DDIAS: variants seen among roughly 807,000 people sequenced by gnomAD.
DDIAS encodes DNA damage-induced apoptosis suppressor protein.
DDIAS carries 14 observed loss-of-function variants against 15.7 expected under a neutral mutation model. That is an observed-to-expected ratio of 0.89 (90% CI 0.59 to 1.39). The LOEUF (loss-of-function observed/expected upper bound fraction) is 1.39, where lower values mean the gene tolerates loss of function less well. Ranked by LOEUF, DDIAS falls within the 40% of genes most tolerant of loss-of-function variation. DDIAS has a pLI of 0.00. For synonymous variants in DDIAS, 355 were observed against 395.9 expected (o/e 0.90, Z 1.23); for missense variants, 1,035 against 1,130.9 (o/e 0.92, Z 1.22).
rs1461853383 is a variant in DDIAS, at chr11:82,931,789, T to C, written c.451T>C (p.Ser151Pro). ...TGCCAGTAACTTCTTACAGCAATGC[T>C]CTGACCACAAAAGAAAAGCCAAAGC... Reference protein sequence around the residue: ...SDASNFLQQCSDHKRKAKALV... With the variant: ...SDASNFLQQCPDHKRKAKALV... Residue 151 changes from serine to proline, a missense_variant, in exon 6 of 6, where the codon TCT becomes CCT. Coordinates refer to ENST00000533655, the MANE Select transcript of DDIAS (RefSeq NM_145018.4). 6.2e-7 allele frequency: 1 copy of C among 1,614,188 alleles called. No individual in the cohort carries two copies. The highest frequency in any genetic ancestry group is 1.7e-5 in the Admixed American group (1 of 60,014).
intron 3 of DDIAS, among the ~76,000 whole-genome samples, chr11:82,922,997 G>A (rs549289646): frequency 2.0e-5 from 3 of 152,224 alleles, no homozygotes; most frequent in Admixed American, 6.5e-5. Context: ...GTCTGGCTCC[G>A]GGGTGGTATT....
chr11:82,927,834 C>T (rs1354590743), intron 3 of DDIAS, among the ~76,000 whole-genome samples: 2 of 152,032 alleles, frequency 1.3e-5, no homozygotes, highest in African/African-American at 4.8e-5. Context: ...ACAGTATTTG[C>T]ACTAGACCCT....
intron 1 of DDIAS, among the ~76,000 whole-genome samples, chr11:82,911,659 G>T (rs1025902892): frequency 6.6e-6 from 1 of 152,158 alleles, no homozygotes; most frequent in East Asian, 1.9e-4. Context: ...CAATTAGTGT[G>T]GATATTTTGA....
At chr11:82,913,045 G>A (rs1020837173) in intron 1 of DDIAS, among the ~76,000 whole-genome samples, 1 of 152,086 alleles carries the variant, frequency 6.6e-6, no homozygotes, top group African/African-American at 2.4e-5. Context: ...CTGATCACAA[G>A]TCACCATCAG....
intron 3 of DDIAS, among the ~76,000 whole-genome samples, chr11:82,919,393 A>G (rs1414619199): frequency 6.6e-6 from 1 of 152,218 alleles, no homozygotes; most frequent in Non-Finnish European, 1.5e-5. Flanking sequence ...TATGTGGTAT[A>G]TCACACTTAT....
In DDIAS at chr11:82,934,199, TAGC is replaced by T; in HGVS notation, c.2866_2868del (p.Ala956del). The T allele has an allele frequency of 1.2e-6, 2 of 1,614,148 alleles. No homozygotes were observed. The highest frequency in any genetic ancestry group is 8.5e-7 in the Non-Finnish European group (1 of 1,180,028). Reference sequence around the variant, plus strand: ...TCCAAATGTCCAGACATTCAAGTCTTAGCAGCACCTCAGCTGCACCCTATTCTT... The same window carrying T: ...TCCAAATGTCCAGACATTCAAGTCTTAGCACCTCAGCTGCACCCTATTCTT... On this transcript the variant is annotated inframe_deletion, in exon 6 of 6. Coordinates refer to ENST00000533655, the MANE Select transcript of DDIAS (RefSeq NM_145018.4).
chr11:82,920,327 C>G (rs1014718382), intron 3 of DDIAS, among the ~76,000 whole-genome samples: 1 of 151,964 alleles, frequency 6.6e-6, no homozygotes. Flanking sequence ...AAAGAGCCAG[C>G]TTTTGGTTTC....
chr11:82,934,412 T>C lies in DDIAS; in HGVS notation c.*77T>C. On this transcript the variant is annotated 3_prime_UTR_variant, in exon 6 of 6. Transcript: ENST00000533655. The stretch of plus-strand genomic sequence containing the variant: ...GCCTTCAGGGGTACGGAAAGCATTC[T>C]TTACATTTTGAACACTTGGAGAGAA... 7.1e-7 allele frequency: 1 copy of C among 1,411,514 alleles called. No individual in the cohort carries two copies. The allele number at this position is 1,411,514 out of a possible 1,614,324, so 87.4% of individuals were successfully genotyped here. A position where few individuals can be genotyped will look rare whatever the true frequency, so the allele number is the denominator to read the frequency against.
rs534640343 is a variant in DDIAS at position 82,925,835 on chromosome 11, A to C, written c.114-2942A>C. On this transcript the variant is annotated intron_variant, in intron 3 of 5. Transcript: ENST00000533655. ...AACCCTGCCTCTACTAAAAATACAA[A>C]AAATTAGCTGGGTGTGGTGGCGGGC... Among the ~76,000 whole-genome samples, 6 of 151,928 alleles carry C rather than the reference A, an allele frequency of 3.9e-5. No homozygotes were observed. In the East Asian group the frequency reaches 1.2e-3, roughly 30 times the overall value.
At chr11:82,902,375 T>C (rs1860336262) in intron 1 of DDIAS, among the ~76,000 whole-genome samples, 1 of 152,070 alleles carries the variant, frequency 6.6e-6, no homozygotes, top group Non-Finnish European at 1.5e-5. Flanking sequence ...GCTACATAGC[T>C]GTGACAGTAA....
intron 1 of DDIAS, among the ~76,000 whole-genome samples, chr11:82,905,989 G>A (rs1860422292): frequency 6.6e-6 from 1 of 152,074 alleles, no homozygotes; most frequent in African/African-American, 2.4e-5. Flanking sequence ...ACTTATTCCT[G>A]ATGTTTCATT....
intron 3 of DDIAS, among the ~76,000 whole-genome samples, chr11:82,926,181 C>T (rs745961217): frequency 2.8e-4 from 43 of 150,914 alleles, no homozygotes; most frequent in Non-Finnish European, 5.3e-4. Flanking sequence ...CCTCTGCCGC[C>T]TGAGCTCAAG....
chr11:82,934,220 C>G lies in DDIAS; in HGVS notation c.2882C>G (p.Pro961Arg). 1 of 1,614,112 alleles carries G rather than the reference C, an allele frequency of 6.2e-7. No individual in the cohort carries two copies. The highest frequency in any genetic ancestry group is 8.5e-7 in the Non-Finnish European group (1 of 1,179,996). The change falls in exon 6 of 6, where the codon CCT (proline) becomes CGT (arginine). Residue 961 changes from proline to arginine, a missense_variant. By Grantham distance (103) the Pro-to-Arg change is moderately radical (BLOSUM62 -2). Coordinates refer to ENST00000533655, the MANE Select transcript of DDIAS (RefSeq NM_145018.4). ...GTCTTAGCAGCACCTCAGCTGCACC[C>G]TATTCTTGGACCTGATTCTTGTTCA... Reference protein sequence around the residue: ...IQVLAAPQLHPILGPDSCSEV... With the variant: ...IQVLAAPQLHRILGPDSCSEV...
chr11:82,913,584 A>C (rs1860565953), intron 2 of DDIAS, 198 bp downstream of exon 2: 1 of 350,532 alleles, frequency 2.9e-6, no homozygotes, highest in Non-Finnish European at 5.5e-6. Flanking sequence ...AAACACTTTG[A>C]GCTATCATTT....
At chr11:82,913,243 T>A (rs1242197020) in intron 1 of DDIAS, 44 bp from the exon 2 acceptor site, 1 of 152,788 alleles carries the variant, frequency 6.5e-6, no homozygotes, top group Non-Finnish European at 1.5e-5. Context: ...GGTGTGTCTG[T>A]ATTTTATTAT....
chr11:82,927,417 C>G (rs1196900443), intron 3 of DDIAS, among the ~76,000 whole-genome samples: 1 of 152,160 alleles, frequency 6.6e-6, no homozygotes, highest in Non-Finnish European at 1.5e-5. Context: ...AATAACAGCA[C>G]AGATCTAATA....
At chr11:82,912,990 G>T (rs187893098) in intron 1 of DDIAS, among the ~76,000 whole-genome samples, 1 of 152,244 alleles carries the variant, frequency 6.6e-6, no homozygotes, top group Admixed American at 6.5e-5. Flanking sequence ...TATAGGTACA[G>T]TTTGTGGCAC....
chr11:82,909,267 T>C (rs754847827), intron 1 of DDIAS: 4 of 152,226 alleles, frequency 2.6e-5, no homozygotes, highest in Non-Finnish European at 5.9e-5. Flanking sequence ...TAAACTGTCA[T>C]GGCGCTGGTG....
At chr11:82,904,167 A>G (rs183598666) in intron 1 of DDIAS, among the ~76,000 whole-genome samples, 61 of 152,332 alleles carry the variant, frequency 4.0e-4, no homozygotes, top group African/African-American at 1.5e-3. Context: ...GAACTTTAAG[A>G]TAGGATTCAC....
Sources: gnomAD v4.1 joint callset for allele counts (sites outside exome capture counted in the v4.1 genomes callset) on GRCh38, gnomAD v4.1.1 for gene constraint, MANE v1.5 for transcripts, NCBI Gene and HGNC (gene_info 2026-07-23, HGNC 2026-07-21) for gene names.